The following CHD9 variants were observed in gnomAD, a reference collection of about 807,000 sequenced individuals.
CHD9 encodes chromodomain helicase DNA binding protein 9.
In CHD9, 77 loss-of-function variants were observed where a neutral mutation model predicts 316.1. That is an observed-to-expected ratio of 0.24 (90% confidence interval 0.20 to 0.29). The LOEUF (loss-of-function observed/expected upper bound fraction) is 0.29. CHD9 is among the 10% of genes least tolerant of loss of function. The pLI, the probability that CHD9 is intolerant of heterozygous loss-of-function variation, is 1.00. For missense variants in CHD9, 2,763 were observed against 3,438.1 expected (o/e 0.80, Z 4.91); for synonymous variants, 1,129 against 1,158.3 (o/e 0.97, Z 0.51).
At chr16:53,151,253 C>T (rs1304162650) in intron 1 of CHD9, among the ~76,000 whole-genome samples, 1 of 108,020 alleles carries the variant, frequency 9.3e-6, no homozygotes, top group African/African-American at 3.6e-5. Context: ...CCTGTCCTTT[C>T]CTTGTCCTGT....
intron 1 of CHD9, among the ~76,000 whole-genome samples, chr16:53,077,321 T>G (rs779519216): frequency 4.0e-5 from 6 of 150,996 alleles, no homozygotes; most frequent in Non-Finnish European, 8.8e-5. Flanking sequence ...TTTTATTTTT[T>G]AAATTCATTT....
chr16:53,285,001 A>G (rs1188643226), intron 24 of CHD9, among the ~76,000 whole-genome samples: 1 of 152,114 alleles, frequency 6.6e-6, no homozygotes, highest in South Asian at 2.1e-4. Flanking sequence ...TCCTGGGTTC[A>G]AGTGATCTAC....
At chr16:53,229,882 A>T (rs192762744) in intron 8 of CHD9, among the ~76,000 whole-genome samples, 99 of 152,330 alleles carry the variant, frequency 6.5e-4, no homozygotes, top group African/African-American at 2.3e-3. Context: ...TATTATCCAC[A>T]GACCTTACAC....
chr16:53,324,290 G>T lies in CHD9; in HGVS notation c.8089G>T (p.Gly2697Cys). 6.2e-7 allele frequency: 1 copy of T among 1,613,972 alleles called. No homozygotes were observed. The highest frequency in any genetic ancestry group is 8.5e-7 in the Non-Finnish European group (1 of 1,179,878). ...TGCTGGGTTGATGGGAATGCCTACC[G>T]GCCTTCCTTCTGGAGGAGAAGCTAA... is the stretch of plus-strand genomic sequence containing the variant. ...VTAGLMGMPT[G>C]LPSGGEAKNM... is the part of the protein sequence containing the mutation. Residue 2697 changes from glycine (G) to cysteine (C), a missense_variant, in exon 39 of 39, where the codon GGC (glycine) becomes TGC (cysteine). Transcript: ENST00000447540.
intron 29 of CHD9, 116 bp from the exon 30 acceptor site, chr16:53,296,840 T>A: frequency 3.0e-6 from 2 of 656,770 alleles, no homozygotes; most frequent in African/African-American, 3.6e-5. Flanking sequence ...TTGTATTTAA[T>A]CCTATAGTGT....
chr16:53,281,853 G>A (rs1373632183), intron 24 of CHD9, among the ~76,000 whole-genome samples: 3 of 152,056 alleles, frequency 2.0e-5, no homozygotes, highest in East Asian at 3.8e-4. Flanking sequence ...GACCTTCCCT[G>A]CCAACCTCAG....
At chr16:53,186,554 A>C (rs536268965) in intron 2 of CHD9, among the ~76,000 whole-genome samples, 1 of 152,190 alleles carries the variant, frequency 6.6e-6, no homozygotes, top group Non-Finnish European at 1.5e-5. Context: ...TTGGAAAGAC[A>C]TGATTGTGTT....
intron 1 of CHD9, among the ~76,000 whole-genome samples, chr16:53,064,002 A>ATT (rs78905561): frequency 1.4e-5 from 2 of 142,124 alleles, no homozygotes; most frequent in Non-Finnish European, 3.1e-5. Context: ...TGCCCAGCTA[A>ATT]TTTTTTTTTT....
At chr16:53,107,962 G>A (rs1366448205) in intron 1 of CHD9, among the ~76,000 whole-genome samples, 1 of 152,116 alleles carries the variant, frequency 6.6e-6, no homozygotes, top group Non-Finnish European at 1.5e-5. Flanking sequence ...TAGGGAGGGA[G>A]GGGTGAAGGG....
At chr16:53,127,311 T>C (rs2039014227) in intron 1 of CHD9, among the ~76,000 whole-genome samples, 1 of 152,234 alleles carries the variant, frequency 6.6e-6, no homozygotes, top group Non-Finnish European at 1.5e-5. Flanking sequence ...GAACAGGTAC[T>C]ACAGCATTGA....
rs368745121 is a variant in CHD9, at chr16:53,093,475, C to A, written c.-165+38398C>A. On this transcript the variant is annotated intron_variant, in intron 1 of 38. Coordinates refer to ENST00000447540, the MANE Select transcript of CHD9 (RefSeq NM_001308319.2). ...CTAATCTGTCATAACCCAATTCGCT[C>A]ATTCAAGAACTATTTATTGAGCACC... 1.0e-3 allele frequency among the ~76,000 whole-genome samples: 155 copies of A among 152,288 alleles called. 1 individual carries two copies. The South Asian group carries it at 0.013, about 12-fold the overall frequency.
In CHD9 at chr16:53,156,505, C is replaced by G. The variant is rs769474999; in HGVS notation, c.416C>G (p.Ser139Cys). The G allele has an allele frequency of 1.7e-5, 28 of 1,613,784 alleles. No individual in the cohort carries two copies. The highest frequency in any genetic ancestry group is 2.3e-5 in the Non-Finnish European group (27 of 1,179,828). Reference sequence around the variant, plus strand: ...ACTACCATTTCAAATCAAAATGGATCTCCTTTTCACCAACAAGGACATTCA... The same window carrying G: ...ACTACCATTTCAAATCAAAATGGATGTCCTTTTCACCAACAAGGACATTCA... ...TATTISNQNG[S>C]PFHQQGHSHS... The change falls in exon 2 of 39, where the codon TCT (serine) becomes TGT (cysteine). Residue 139 changes from serine (S) to cysteine (C), a missense_variant. By Grantham distance (112) the Ser-to-Cys change is moderately radical. Transcript: ENST00000447540.
Position 53,149,939 on chromosome 16 carries a change from G to A in CHD9, c.-164-5987G>A, listed in dbSNP as rs142667412. Among the ~76,000 whole-genome samples, 361 of 151,628 alleles carry A rather than the reference G, an allele frequency of 2.4e-3. 2 individuals carry two copies. Among genetic ancestry groups the A allele is most frequent in the African/African-American group, 8.1e-3 (334 of 41,364 alleles). On this transcript the variant is annotated intron_variant, in intron 1 of 38. Transcript: ENST00000447540. ...GCTCTCTTTTGGTTACTATTTCTGT[G>A]GAATATATTTTTTCATTTCTTGTTT...
At chr16:53,085,915 T>C (rs1018452256) in intron 1 of CHD9, among the ~76,000 whole-genome samples, 2 of 152,204 alleles carry the variant, frequency 1.3e-5, no homozygotes, top group Non-Finnish European at 2.9e-5. Context: ...ATCACTGTTC[T>C]CATTGCCCTT....
chr16:53,255,301 C>T (rs576083307), intron 18 of CHD9, among the ~76,000 whole-genome samples: 6 of 151,962 alleles, frequency 3.9e-5, no homozygotes, highest in East Asian at 3.9e-4. Flanking sequence ...AGAGCAAGAC[C>T]CTGTCTTAAA....
intron 1 of CHD9, among the ~76,000 whole-genome samples, chr16:53,064,794 T>G (rs1342826134): frequency 6.6e-6 from 1 of 152,018 alleles, no homozygotes; most frequent in African/African-American, 2.4e-5. Context: ...GCCAACATGG[T>G]GAAACCCCGT....
At chr16:53,096,145 C>G (rs2036360598) in intron 1 of CHD9, among the ~76,000 whole-genome samples, 1 of 151,042 alleles carries the variant, frequency 6.6e-6, no homozygotes, top group South Asian at 2.1e-4. Flanking sequence ...GCAGCCTCAA[C>G]TTCCTGGGCT....
chr16:53,298,554 G>T (rs1265866727), intron 30 of CHD9: 1 of 152,270 alleles, frequency 6.6e-6, no homozygotes, highest in Non-Finnish European at 1.5e-5. Flanking sequence ...GCGAAGGCAG[G>T]ACCCAGGACC....
At chr16:53,069,296 G>A (rs866613617) in intron 1 of CHD9, among the ~76,000 whole-genome samples, 21 of 152,248 alleles carry the variant, frequency 1.4e-4, no homozygotes, top group African/African-American at 4.6e-4. Flanking sequence ...GAGCCACCGC[G>A]CCCAGCCTGC....
Sources: gnomAD v4.1 joint callset for allele counts (sites outside exome capture counted in the v4.1 genomes callset) on GRCh38, gnomAD v4.1.1 for gene constraint, MANE v1.5 for transcripts, NCBI Gene and HGNC (gene_info 2026-07-23, HGNC 2026-07-21) for gene names.